Variants in KIZ observed in about 807,000 individuals in gnomAD.
KIZ encodes centrosomal protein kizuna.
In KIZ, 68 loss-of-function variants were observed where a neutral mutation model predicts 79.6. The ratio of observed to expected loss-of-function variants is 0.85; its 90% CI spans 0.70 to 1.05. The LOEUF is 1.05. Ranked by LOEUF, KIZ falls within the 50% of genes least tolerant of loss-of-function variation. The pLI is 0.00. For synonymous variants in KIZ, 280 were observed against 281.8 expected (o/e 0.99, Z 0.06); for missense variants, 797 against 800.4 (o/e 1.00, Z 0.05).
chr20:21,220,035 GA>G (rs2036451199), intron 9 of KIZ, among the ~76,000 whole-genome samples: 1 of 151,782 alleles, frequency 6.6e-6, no homozygotes, highest in African/African-American at 2.4e-5. Context: ...AATCCAGGTG[GA>G]AATCAAAGAT....
intron 11 of KIZ, among the ~76,000 whole-genome samples, chr20:21,233,754 A>G (rs1039216518): frequency 6.6e-6 from 1 of 152,210 alleles, no homozygotes; most frequent in Non-Finnish European, 1.5e-5. Context: ...ATTTTTATTC[A>G]TATTTTATAA....
chr20:21,148,722 G>A (rs1031182862), intron 4 of KIZ: 1 of 152,194 alleles, frequency 6.6e-6, no homozygotes, highest in African/African-American at 2.4e-5. Flanking sequence ...GTTTTTGAAT[G>A]ACAGTATACA....
At chr20:21,223,852 A>T (rs2036578314) in intron 9 of KIZ, among the ~76,000 whole-genome samples, 1 of 151,300 alleles carries the variant, frequency 6.6e-6, no homozygotes. Context: ...GTATTTTTGT[A>T]TTTATAGTAG....
intron 7 of KIZ, among the ~76,000 whole-genome samples, chr20:21,209,755 G>A (rs1046122529): frequency 3.3e-5 from 5 of 152,216 alleles, no homozygotes; most frequent in Admixed American, 6.5e-5. Context: ...AATATCATCT[G>A]CTGTCCACAT....
Position 21,126,132 on chromosome 20 carries a change from C to T in KIZ, c.17C>T (p.Ala6Val). 6.6e-7 allele frequency: 1 copy of T among 1,515,326 alleles called. No individual in the cohort carries two copies. The highest frequency in any genetic ancestry group is 8.8e-7 in the Non-Finnish European group (1 of 1,131,694). 93.9% of individuals were successfully genotyped at this position (1,515,326 alleles called of 1,614,324 possible). A position where few individuals can be genotyped will look rare whatever the true frequency, so the allele number is the denominator to read the frequency against. Residue 6 changes from alanine to valine, a missense_variant, in exon 1 of 13, where the codon GCA (alanine) becomes GTA (valine). Physicochemically the swap from Ala to Val is moderately conservative, Grantham distance 64. Coordinates refer to ENST00000619189, the MANE Select transcript of KIZ (RefSeq NM_018474.6). MSRTL[A>V]SAVPLSSPDY... ...GGCAGCAGCATGAGCCGGACCCTCG[C>T]ATCGGCCGTGCCCCTGTCGAGTCCC...
chr20:21,204,505 T>C (rs2035733380), intron 6 of KIZ, among the ~76,000 whole-genome samples: 1 of 152,172 alleles, frequency 6.6e-6, no homozygotes, highest in South Asian at 2.1e-4. Context: ...TCAAGGATTT[T>C]CATGTATTCC....
At chr20:21,226,600 G>T (rs562674419) in intron 9 of KIZ, among the ~76,000 whole-genome samples, 2 of 152,190 alleles carry the variant, frequency 1.3e-5, no homozygotes, top group East Asian at 1.9e-4. Context: ...AGTGCTAGGC[G>T]CTCTGCCCTC....
At chr20:21,164,126 C>A (rs1178335262) in intron 6 of KIZ, among the ~76,000 whole-genome samples, 1 of 152,208 alleles carries the variant, frequency 6.6e-6, no homozygotes, top group Non-Finnish European at 1.5e-5. Context: ...GCTGGTCACC[C>A]TTTCATTTCC....
intron 1 of KIZ, among the ~76,000 whole-genome samples, chr20:21,130,477 G>C (rs750876348): frequency 1.1e-4 from 16 of 152,122 alleles, no homozygotes; most frequent in Non-Finnish European, 1.9e-4. Context: ...GAAACTCTAG[G>C]GGGGGAATGG....
At chr20:21,166,622 T>C (rs2033953468) in intron 6 of KIZ, 1 of 978,300 alleles carries the variant, frequency 1.0e-6, no homozygotes, top group Admixed American at 2.5e-5. Flanking sequence ...AGAGCTTTTG[T>C]ATTTTTTTTT....
chr20:21,126,027 C>T (rs905190563), upstream of KIZ: 14 of 1,356,804 alleles, frequency 1.0e-5, no homozygotes, highest in African/African-American at 2.0e-4. Context: ...GCGGTGTTTA[C>T]CCGCGGTGCA....
At chr20:21,170,909 G>A (rs753183566) in intron 6 of KIZ, among the ~76,000 whole-genome samples, 15 of 152,248 alleles carry the variant, frequency 9.9e-5, no homozygotes, top group South Asian at 2.1e-4. Context: ...ATCACTTAAC[G>A]TAATGACCTC....
chr20:21,187,330 C>G (rs2034918955), intron 6 of KIZ, among the ~76,000 whole-genome samples: 1 of 152,052 alleles, frequency 6.6e-6, no homozygotes, highest in Non-Finnish European at 1.5e-5. Context: ...GGAAGTAGAC[C>G]CCGAGCAAAG....
chr20:21,225,536 A>T (rs947172209), intron 9 of KIZ, among the ~76,000 whole-genome samples: 1 of 152,196 alleles, frequency 6.6e-6, no homozygotes, highest in Non-Finnish European at 1.5e-5. Flanking sequence ...AATTCTTTTC[A>T]CCTTGGAAAT....
intron 6 of KIZ, among the ~76,000 whole-genome samples, chr20:21,171,516 C>T (rs2034204425): frequency 6.6e-6 from 1 of 152,138 alleles, no homozygotes; most frequent in Non-Finnish European, 1.5e-5. Context: ...GTGATCATGG[C>T]CCACTGCAGC....
intron 6 of KIZ, chr20:21,195,222 G>A (rs2035287520): frequency 6.6e-6 from 1 of 152,246 alleles, no homozygotes; most frequent in Non-Finnish European, 1.5e-5. Context: ...AAGAAGAAAG[G>A]TTATCTGGGA....
intron 8 of KIZ, among the ~76,000 whole-genome samples, chr20:21,215,343 G>A (rs2036242608): frequency 6.6e-6 from 1 of 152,160 alleles, no homozygotes; most frequent in African/African-American, 2.4e-5. Flanking sequence ...ATAGATGTCA[G>A]GCCCAGTTAT....
At chr20:21,148,301 A>C (rs2032951778) in intron 4 of KIZ, among the ~76,000 whole-genome samples, 1 of 152,212 alleles carries the variant, frequency 6.6e-6, no homozygotes. Context: ...CTTGGATGCC[A>C]AGAAAAGTCA....
intron 6 of KIZ, among the ~76,000 whole-genome samples, chr20:21,173,577 C>CAAAAAAA (rs749330317): frequency 2.7e-5 from 1 of 37,308 alleles, no homozygotes; most frequent in African/African-American, 6.7e-5. Context: ...GATGCCGTCT[C>CAAAAAAA]AAAAAAAAAA....
Sources: allele counts gnomAD v4.1 joint callset (sites outside exome capture counted in the v4.1 genomes callset), GRCh38; gene constraint gnomAD v4.1.1; transcripts MANE v1.5; gene names NCBI Gene and HGNC (gene_info 2026-07-23, HGNC 2026-07-21).